The following TECTA variants were observed in gnomAD, a reference collection of about 807,000 sequenced individuals.
TECTA encodes the protein alpha-tectorin.
TECTA carries 128 observed loss-of-function variants against 216.8 expected under a neutral mutation model. The ratio of observed to expected loss-of-function variants is 0.59; its 90% CI spans 0.51 to 0.68. The LOEUF (loss-of-function observed/expected upper bound fraction) is 0.68. Ranked by LOEUF, TECTA falls within the 30% of genes least tolerant of loss-of-function variation. The probability of loss-of-function intolerance (pLI) is 0.00; values close to 1 mark genes in which losing one functional copy is unlikely to be tolerated. For synonymous variants in TECTA, 1,089 were observed against 1,117.1 expected (o/e 0.97, Z 0.50); for missense variants, 2,551 against 2,786.2 (o/e 0.92, Z 1.90).
In TECTA at chr11:121,105,865, G is replaced by A; in HGVS notation, c.99G>A (p.Gln33=). 1 of 1,614,152 alleles carries A rather than the reference G, an allele frequency of 6.2e-7. No individual in the cohort carries two copies. The highest frequency in any genetic ancestry group is 2.2e-5 in the East Asian group (1 of 44,876). The stretch of plus-strand genomic sequence containing the variant: ...GGGAGCTCATGTATCCATTTTGGCA[G>A]AATGACACCAAAACCCCTAAAGTAG... ...QPRELMYPFW[Q]NDTKTPKVDD... Residue 33 remains glutamine, a synonymous_variant, in exon 3 of 24, where the codon CAG becomes CAA. Coordinates refer to ENST00000392793, the MANE Select transcript of TECTA (RefSeq NM_005422.4). This position sits in a 1 kb window ranked among gnomAD's most constrained non-coding sequence, Gnocchi z 5.3.
rs1206428124 is a variant in TECTA at position 121,125,618 on chromosome 11, G to A, written c.1520G>A (p.Cys507Tyr). ...TGCGACTCCGGCTGCGTCGACAACTGCACCCAGTGCGACGCTGCCACTGAA... is the reference window on the plus strand; with the variant it reads ...TGCGACTCCGGCTGCGTCGACAACTACACCCAGTGCGACGCTGCCACTGAA... ...WKCDSGCVDN[C>Y]TQCDAATEAL... The change falls in exon 8 of 24, where the codon TGC becomes TAC. Residue 507 changes from cysteine (C) to tyrosine (Y), a missense_variant. This residue lies in a region of TECTA where 2,375 missense variants were observed against 2,563.9 expected (regional missense o/e 0.93). Transcript: ENST00000392793. 2 of 1,613,374 alleles carry A rather than the reference G, an allele frequency of 1.2e-6. No individual in the cohort carries two copies. Among genetic ancestry groups the A allele is most frequent in the Non-Finnish European group, 1.7e-6 (2 of 1,179,492 alleles).
chr11:121,188,612 A>G (rs2134216375), intron 21 of TECTA, among the ~76,000 whole-genome samples: 1 of 152,190 alleles, frequency 6.6e-6, no homozygotes, highest in Middle Eastern at 3.4e-3. Flanking sequence ...CACCTCCACC[A>G]CTTACGGGCT....
Position 121,127,765 on chromosome 11 carries a change from G to A in TECTA, c.1788G>A (p.Gln596=). Residue 596 remains glutamine (Q), a synonymous_variant, in exon 9 of 24, where the codon CAG becomes CAA. Coordinates refer to ENST00000392793, the MANE Select transcript of TECTA (RefSeq NM_005422.4). The surrounding 1 kb of genome is among the most constrained non-coding windows in gnomAD (Gnocchi z 5.0). Reference sequence around the variant, plus strand: ...TCCCCGCGTCAGTGTCCACAGTGCAGTGCCCGAGCTTCAGCCACTACTCCG... The same window carrying A: ...TCCCCGCGTCAGTGTCCACAGTGCAATGCCCGAGCTTCAGCCACTACTCCG... The part of the protein sequence containing the change: ...RTQTGCVSTV[Q]CPSFSHYSVC... The A allele has an allele frequency of 6.2e-7, 1 of 1,614,132 alleles. No individual in the cohort carries two copies. The highest frequency in any genetic ancestry group is 8.5e-7 in the Non-Finnish European group (1 of 1,180,016).
intron 10 of TECTA, among the ~76,000 whole-genome samples, chr11:121,132,846 C>T (rs977603245): frequency 2.6e-5 from 4 of 152,124 alleles, no homozygotes; most frequent in African/African-American, 9.7e-5. Context: ...CTCAGCCTCC[C>T]GAGTAACTGA....
chr11:121,108,147 A>G lies in TECTA; in HGVS notation c.199-1064A>G, dbSNP rs143632945. Reference sequence around the variant, plus strand: ...AGCAAGCCCTAACATAGGGCACCTCAATTTTCAAATTTAACTTTACTTCCA... The same window carrying G: ...AGCAAGCCCTAACATAGGGCACCTCGATTTTCAAATTTAACTTTACTTCCA... On this transcript the variant is annotated intron_variant, in intron 3 of 23. Coordinates refer to ENST00000392793, the MANE Select transcript of TECTA (RefSeq NM_005422.4). Among the ~76,000 whole-genome samples the G allele has an allele frequency of 1.9e-3, 283 of 152,208 alleles. 2 individuals carry two copies. Among genetic ancestry groups the G allele is most frequent in the African/African-American group, 6.5e-3 (271 of 41,494 alleles).
chr11:121,164,909 T>C (rs549507), intron 16 of TECTA, among the ~76,000 whole-genome samples: 105,040 of 152,108 alleles, frequency 0.69, 37,748 homozygotes, highest in African/African-American at 0.91. Flanking sequence ...AATCATTGTG[T>C]TATAGTGTAG....
At chr11:121,152,465 G>T (rs911509653) in intron 12 of TECTA, among the ~76,000 whole-genome samples, 8 of 152,244 alleles carry the variant, frequency 5.3e-5, no homozygotes, top group Non-Finnish European at 1.0e-4. Context: ...TAGGCTGAGA[G>T]GATGAAGAAG....
chr11:121,108,602 TC>T (rs1237713438), intron 3 of TECTA, among the ~76,000 whole-genome samples: 2 of 112,906 alleles, frequency 1.8e-5, no homozygotes, highest in African/African-American at 3.6e-5. Flanking sequence ...ACACACCACA[TC>T]CCCCGTATAC....
intron 15 of TECTA, among the ~76,000 whole-genome samples, chr11:121,161,068 T>G (rs971409732): frequency 2.0e-5 from 3 of 152,234 alleles, no homozygotes; most frequent in Non-Finnish European, 4.4e-5. Flanking sequence ...TCTCCACTTG[T>G]ACAATGGCTC....
chr11:121,185,170 G>C (rs1376077219), intron 20 of TECTA, among the ~76,000 whole-genome samples: 1 of 152,232 alleles, frequency 6.6e-6, no homozygotes, highest in African/African-American at 2.4e-5. Flanking sequence ...AACTGTGGTT[G>C]GGTGGGAAGT....
At chr11:121,102,841 T>A in intron 2 of TECTA, 112 bp downstream of exon 2, 1 of 886,350 alleles carries the variant, frequency 1.1e-6, no homozygotes, top group Admixed American at 2.0e-5. Flanking sequence ...TGTCTACAGA[T>A]ACAAGAGAAA....
At chr11:121,180,873 A>G (rs1259784397) in intron 20 of TECTA, among the ~76,000 whole-genome samples, 4 of 146,494 alleles carry the variant, frequency 2.7e-5, no homozygotes, top group Non-Finnish European at 6.0e-5. Flanking sequence ...CAAGTTTTAA[A>G]ATTCTTTATT....
intron 4 of TECTA, chr11:121,110,363 T>G (rs1946430913): frequency 6.6e-6 from 1 of 152,204 alleles, no homozygotes; most frequent in African/African-American, 2.4e-5. Context: ...TTTTCCAATT[T>G]CCTTGGCAAC....
intron 10 of TECTA, among the ~76,000 whole-genome samples, chr11:121,133,170 C>T (rs1171341188): frequency 1.3e-5 from 2 of 152,138 alleles, no homozygotes. Context: ...AAACTCATTG[C>T]CCAGATTAAC....
intron 22 of TECTA, 22 bp from the exon 23 acceptor site, chr11:121,189,742 C>A (rs558057326): frequency 1.2e-6 from 2 of 1,605,692 alleles, no homozygotes; most frequent in South Asian, 1.1e-5. Context: ...TGTAGTTAAT[C>A]TTCCTAACTG....
chr11:121,179,981 T>TC (rs937869845), intron 20 of TECTA, among the ~76,000 whole-genome samples: 1 of 151,738 alleles, frequency 6.6e-6, no homozygotes, highest in Non-Finnish European at 1.5e-5. Flanking sequence ...TTTGTTTTTT[T>TC]TTTTTTTTAG....
At chr11:121,169,205 T>C (rs538804193) in intron 20 of TECTA, among the ~76,000 whole-genome samples, 2 of 152,318 alleles carry the variant, frequency 1.3e-5, no homozygotes, top group Admixed American at 6.5e-5. Flanking sequence ...ATTCTCAAAG[T>C]GGGGATTCTG....
In TECTA at chr11:121,168,488, T is replaced by A. The variant is rs1028405834; in HGVS notation, c.5751-189T>A. ...GGCTGCGGAATTGAATTTTTAATTT[T>A]ATTTAATTTCATTTCATTTAAATGT... is the stretch of plus-strand genomic sequence containing the variant. On this transcript the variant is annotated intron_variant, in intron 19 of 23. Transcript: ENST00000392793. The A allele has an allele frequency of 1.2e-5, 12 of 961,912 alleles. 1 individual carries two copies. The South Asian group carries it at 1.5e-4, about 12-fold the overall frequency. The allele number at this position is 961,912 out of a possible 1,614,324, so 59.6% of individuals were successfully genotyped here. A position where few individuals can be genotyped will look rare whatever the true frequency, so the allele number is the denominator to read the frequency against.
In TECTA at chr11:121,124,331, C is replaced by T. The variant is rs547253357; in HGVS notation, c.1204-971C>T. On this transcript the variant is annotated intron_variant, in intron 7 of 23. Coordinates refer to ENST00000392793, the MANE Select transcript of TECTA (RefSeq NM_005422.4). ...CCTCCAGCCTCATCTTCAGCCATCT[C>T]TTCCCTCTGTAGTCCAGTAACACCT... Among the ~76,000 whole-genome samples the T allele has an allele frequency of 1.7e-3, 261 of 152,270 alleles. 2 individuals are homozygous for T. The highest frequency in any genetic ancestry group is 4.5e-3 in the African/African-American group (185 of 41,542).
Sources: allele counts gnomAD v4.1 joint callset (sites outside exome capture counted in the v4.1 genomes callset), GRCh38; gene constraint gnomAD v4.1.1; regional missense constraint gnomAD v4.1.1; non-coding constraint Gnocchi (gnomAD v3.1); transcripts MANE v1.5; gene names NCBI Gene and HGNC (gene_info 2026-07-23, HGNC 2026-07-21).